Variants in FHAD1 observed in about 807,000 individuals in gnomAD.
FHAD1 encodes forkhead associated phosphopeptide binding domain 1.
A neutral mutation model predicts 191.3 loss-of-function variants in FHAD1; 146 were observed. That is an observed-to-expected ratio of 0.76 (90% CI 0.67 to 0.88). FHAD1 has a LOEUF of 0.88. FHAD1 is among the 40% of genes least tolerant of loss of function. The probability of loss-of-function intolerance (pLI) is 0.00; values close to 1 mark genes in which losing one functional copy is unlikely to be tolerated. For synonymous variants in FHAD1, 616 were observed against 672.3 expected (o/e 0.92, Z 1.29); for missense variants, 1,635 against 1,785.8 (o/e 0.92, Z 1.52).
At chr1:15,386,840 C>CCTTT (rs944206027) in intron 31 of FHAD1, among the ~76,000 whole-genome samples, 1 of 137,898 alleles carries the variant, frequency 7.3e-6, no homozygotes, top group Non-Finnish European at 1.5e-5. Flanking sequence ...CTTTTTTTTT[C>CCTTT]CTTTCTTTCT....
chr1:15,328,257 C>A lies in FHAD1; in HGVS notation c.1558-20C>A. The A allele has an allele frequency of 1.5e-5, 17 of 1,168,958 alleles. No individual in the cohort carries two copies. The highest frequency in any genetic ancestry group is 6.6e-5 in the East Asian group (2 of 30,202). 72.4% of individuals were successfully genotyped at this position (1,168,958 alleles called of 1,614,324 possible). ...ATGTTACATCTTTTTTTTTTTTTTC[C>A]TTTTTCTTTTTCTCACCAGTTAATA... On this transcript the variant is annotated intron_variant, in intron 12 of 33. Coordinates refer to ENST00000688493, the MANE Select transcript of FHAD1 (RefSeq NM_001391957.1).
At chr1:15,242,333 GGTTAA>G (rs1398015547), upstream of FHAD1, among the ~76,000 whole-genome samples, 1 of 151,892 alleles carries the variant, frequency 6.6e-6, no homozygotes, top group Admixed American at 6.6e-5. Context: ...ATTTGTAACT[GGTTAA>G]GTTACTTGAC....
At chr1:15,360,793 A>G (rs935247239) in intron 22 of FHAD1, 90 bp downstream of exon 22, 13 of 1,067,116 alleles carry the variant, frequency 1.2e-5, no homozygotes, top group Middle Eastern at 2.0e-4. Flanking sequence ...GCTAAGAAAA[A>G]GGCCGTGCCT....
At position 15,266,297 on chromosome 1, in the gene FHAD1, T is replaced by C. The variant is rs557125388; in HGVS notation, c.94-6026T>C. ...GCTAATTCTTTCATTTTTGTAGAGATAGGGTCTCCTTATGTTGCCTAGGCT... is the reference window on the plus strand; with the variant it reads ...GCTAATTCTTTCATTTTTGTAGAGACAGGGTCTCCTTATGTTGCCTAGGCT... On this transcript the variant is annotated intron_variant, in intron 2 of 33. Transcript: ENST00000688493. 2.0e-5 allele frequency among the ~76,000 whole-genome samples: 3 copies of C among 152,052 alleles called. No individual in the cohort carries two copies. The South Asian group carries it at 6.2e-4, about 32-fold the overall frequency.
At chr1:15,324,732 C>T (rs553987713) in intron 11 of FHAD1, 173 bp downstream of exon 11, 38 of 610,688 alleles carry the variant, frequency 6.2e-5, no homozygotes, top group African/African-American at 5.9e-4. Context: ...CCATGGACAT[C>T]GCTTAACAGG....
At chr1:15,309,667 T>C (rs942911586) in intron 7 of FHAD1, among the ~76,000 whole-genome samples, 3 of 151,516 alleles carry the variant, frequency 2.0e-5, no homozygotes, top group Non-Finnish European at 4.4e-5. Context: ...GAGATTTTTT[T>C]TTTTTAGCGA....
At chr1:15,388,161 C>G (rs1210207150) in intron 32 of FHAD1, 30 bp downstream of exon 32, 2 of 1,251,812 alleles carry the variant, frequency 1.6e-6, no homozygotes, top group South Asian at 2.5e-5. Context: ...GTTGCAGACA[C>G]AGAGTAGAGA....
chr1:15,274,307 T>C (rs962283588), intron 3 of FHAD1, among the ~76,000 whole-genome samples: 1 of 152,168 alleles, frequency 6.6e-6, no homozygotes, highest in Non-Finnish European at 1.5e-5. Flanking sequence ...AAAGAATGTA[T>C]TATAAAAGAT....
At chr1:15,359,103 G>A (rs986459246) in intron 21 of FHAD1, among the ~76,000 whole-genome samples, 10 of 152,120 alleles carry the variant, frequency 6.6e-5, no homozygotes, top group Admixed American at 2.0e-4. Flanking sequence ...GCATAGGGAC[G>A]ACATAAGGAT....
intron 14 of FHAD1, chr1:15,334,846 C>T (rs1166199975): frequency 6.6e-6 from 1 of 152,218 alleles, no homozygotes; most frequent in Non-Finnish European, 1.5e-5. Flanking sequence ...TTCTTTAGCC[C>T]TAAGCCCTCA....
chr1:15,383,788 G>C (rs561565127), intron 31 of FHAD1: 1 of 380,224 alleles, frequency 2.6e-6, no homozygotes, highest in African/African-American at 2.1e-5. Flanking sequence ...TGCCTGGTAC[G>C]ATGATCCCTA....
chr1:15,397,375 C>G lies in FHAD1; in HGVS notation c.4402C>G (p.Gln1468Glu), dbSNP rs1338922703. The stretch of plus-strand genomic sequence containing the variant: ...GAAAGAGACCTCCAGCAAGTCCAGC[C>G]AGAGCCTTTTGCATTCTAAGCCCAG... ...LRKETSSKSS[Q>E]SLLHSKPSGK... Residue 1468 changes from glutamine to glutamate, a missense_variant, in exon 34 of 34, where the codon CAG becomes GAG. By Grantham distance (29) the Gln-to-Glu change is conservative (BLOSUM62 2). Transcript: ENST00000688493. The G allele has an allele frequency of 1.3e-6, 2 of 1,545,056 alleles. No individual in the cohort carries two copies.
At chr1:15,348,594 G>A (rs146767970) in intron 18 of FHAD1, among the ~76,000 whole-genome samples, 2 of 152,236 alleles carry the variant, frequency 1.3e-5, no homozygotes, top group Non-Finnish European at 1.5e-5. Flanking sequence ...TCTTGAAACT[G>A]GATTCTGTTG....
intron 2 of FHAD1, among the ~76,000 whole-genome samples, chr1:15,252,941 T>C (rs1646963067): frequency 6.6e-6 from 1 of 152,210 alleles, no homozygotes; most frequent in Non-Finnish European, 1.5e-5. Flanking sequence ...AAAAATGCCG[T>C]GGAATCTCTT....
intron 2 of FHAD1, among the ~76,000 whole-genome samples, chr1:15,268,713 T>C (rs949063844): frequency 1.3e-5 from 2 of 150,876 alleles, no homozygotes; most frequent in South Asian, 2.1e-4. Flanking sequence ...TGGTATCTCA[T>C]TGTGGTTTTG....
At chr1:15,267,568 A>T (rs1323653490) in intron 2 of FHAD1, among the ~76,000 whole-genome samples, 1 of 152,050 alleles carries the variant, frequency 6.6e-6, no homozygotes, top group African/African-American at 2.4e-5. Context: ...TTCACCAGGG[A>T]ACCCATCTGG....
intron 2 of FHAD1, among the ~76,000 whole-genome samples, chr1:15,270,445 A>G (rs1002150686): frequency 4.6e-5 from 7 of 152,194 alleles, no homozygotes; most frequent in African/African-American, 4.8e-5. Context: ...CAGTTTCCCT[A>G]TCTACCAAAT....
At chr1:15,282,061 C>T (rs114130752) in intron 3 of FHAD1, among the ~76,000 whole-genome samples, 29 of 152,286 alleles carry the variant, frequency 1.9e-4, no homozygotes, top group African/African-American at 6.7e-4. Context: ...AGGGCCCGCA[C>T]CTTCTGTTTT....
At chr1:15,246,394 C>T (rs1404401054), upstream of FHAD1, among the ~76,000 whole-genome samples, 3 of 143,286 alleles carry the variant, frequency 2.1e-5, no homozygotes, top group Non-Finnish European at 4.7e-5. Flanking sequence ...TAGAGTTTTT[C>T]TTGAGGTGTC....
Sources: gnomAD v4.1 joint callset for allele counts (sites outside exome capture counted in the v4.1 genomes callset) on GRCh38, gnomAD v4.1.1 for gene constraint, MANE v1.5 for transcripts, NCBI Gene and HGNC (gene_info 2026-07-23, HGNC 2026-07-21) for gene names.